LTBP2: variants seen among roughly 807,000 people sequenced by gnomAD.
The protein encoded by LTBP2 is latent transforming growth factor beta binding protein 2, also known as latent-transforming growth factor beta-binding protein 2.
In LTBP2, 103 loss-of-function variants were observed where a neutral mutation model predicts 210.6. That is an observed-to-expected ratio of 0.49 (90% CI 0.42 to 0.58). The LOEUF is 0.58. LTBP2 is among the 20% of genes least tolerant of loss of function. The pLI is 0.00. For synonymous variants in LTBP2, 1,007 were observed against 1,015.0 expected, an observed-to-expected ratio of 0.99 and a Z score of 0.15; for missense variants, 2,313 against 2,494.5, an observed-to-expected ratio of 0.93 and a Z score of 1.55.
In LTBP2 at chr14:74,507,299, A is replaced by G; in HGVS notation, c.3787T>C (p.Cys1263Arg). The change falls in exon 26 of 36, where the codon TGT becomes CGT. Residue 1263 changes from cysteine to arginine, a missense_variant. By Grantham distance (180) the Cys-to-Arg change is radical. This residue lies in a region of LTBP2 where 1,867 missense variants were observed against 1,976.9 expected (regional missense o/e 0.94). Transcript: ENST00000261978. ...CACACCGGGTCTCCATAGTCCTCACACTCGTCAATATCTGTCCCCAGAGCC... is the reference window on the plus strand; with the variant it reads ...CACACCGGGTCTCCATAGTCCTCACGCTCGTCAATATCTGTCCCCAGAGCC... ...ESGECVDIDE[C>R]EDYGDPVCGT... The G allele has an allele frequency of 3.7e-6, 6 of 1,613,860 alleles. No homozygotes were observed. The Admixed American group carries it at 5.0e-5, about 13-fold the overall frequency.
At chr14:74,594,434 C>T (rs1004291211) in intron 2 of LTBP2, among the ~76,000 whole-genome samples, 2 of 152,174 alleles carry the variant, frequency 1.3e-5, no homozygotes, top group African/African-American at 2.4e-5. Context: ...TCCTGAAGCT[C>T]AGCTGCTTCC....
rs1309583469 is a variant in LTBP2 at position 74,528,717 on chromosome 14, G to T, written c.2153-19C>A. 1 of 1,609,190 alleles carries T rather than the reference G, an allele frequency of 6.2e-7. No homozygotes were observed. ...AAGGCCTCTGCAAAGCCAACAGCCA[G>T]AGGACAAACTGAGAGGTGCTGTTCC... On this transcript the variant is annotated intron_variant, in intron 11 of 35. Coordinates refer to ENST00000261978, the MANE Select transcript of LTBP2 (RefSeq NM_000428.3).
intron 3 of LTBP2, among the ~76,000 whole-genome samples, chr14:74,582,019 G>GTTTT (rs1162135097): frequency 7.8e-6 from 1 of 128,506 alleles, no homozygotes. Context: ...TAGGGTTGTT[G>GTTTT]TTTTTTTTTT....
At chr14:74,549,504 G>C (rs1193097835) in intron 8 of LTBP2, among the ~76,000 whole-genome samples, 1 of 152,236 alleles carries the variant, frequency 6.6e-6, no homozygotes, top group Non-Finnish European at 1.5e-5. Flanking sequence ...CCATCAGGGA[G>C]AGAATAAAGA....
intron 3 of LTBP2, 26 bp from the exon 4 acceptor site, chr14:74,555,719 G>T (rs1427366541): frequency 1.4e-6 from 2 of 1,477,824 alleles, no homozygotes; most frequent in Middle Eastern, 2.5e-4. Flanking sequence ...CGGCACGGGG[G>T]TTTGCACCCT....
In LTBP2 at chr14:74,498,370, A is replaced by G. The variant is rs531324462; in HGVS notation, c.*2514T>C. 2.6e-5 allele frequency: 5 copies of G among 194,972 alleles called. No individual in the cohort carries two copies. The highest frequency in any genetic ancestry group is 1.2e-4 in the African/African-American group (5 of 43,332). 12.1% of individuals were successfully genotyped at this position (194,972 alleles called of 1,614,324 possible). ...ATGTAATCCCATAAATTAATGTGAAATATGCACAAGAATATTCATTACAGC... is the reference window on the plus strand; with the variant it reads ...ATGTAATCCCATAAATTAATGTGAAGTATGCACAAGAATATTCATTACAGC... On this transcript the variant is annotated 3_prime_UTR_variant, in exon 36 of 36. Coordinates refer to ENST00000261978, the MANE Select transcript of LTBP2 (RefSeq NM_000428.3).
Position 74,608,250 on chromosome 14 carries a change from A to G in LTBP2, c.494+3201T>C, listed in dbSNP as rs577635806. On this transcript the variant is annotated intron_variant, in intron 1 of 35. Transcript: ENST00000261978. ...TAGACTATGTTATATTATTTTCAAT[A>G]CCTTTTAGTGCATTTATAAAACTTC... Among the ~76,000 whole-genome samples, 7 of 152,318 alleles carry G rather than the reference A, an allele frequency of 4.6e-5. No individual in the cohort carries two copies. In the South Asian group the frequency reaches 1.4e-3, roughly 32 times the overall value.
At chr14:74,518,054 A>C (rs1335939237) in intron 17 of LTBP2, among the ~76,000 whole-genome samples, 1 of 152,224 alleles carries the variant, frequency 6.6e-6, no homozygotes, top group East Asian at 1.9e-4. Context: ...ATGGCCAGCA[A>C]ATCCCTGCCC....
intron 3 of LTBP2, among the ~76,000 whole-genome samples, chr14:74,579,252 G>C (rs575578719): frequency 6.6e-6 from 1 of 152,324 alleles, no homozygotes; most frequent in East Asian, 1.9e-4. Flanking sequence ...TTTGCCCCTA[G>C]GAAGGGATGC....
chr14:74,503,835 T>G, intron 31 of LTBP2, 91 bp downstream of exon 31: 1 of 1,565,702 alleles, frequency 6.4e-7, no homozygotes. Flanking sequence ...AGGGGGACTC[T>G]CAGCAATAAT....
intron 3 of LTBP2, among the ~76,000 whole-genome samples, chr14:74,561,623 A>G (rs2087795521): frequency 6.6e-6 from 1 of 152,136 alleles, no homozygotes; most frequent in African/African-American, 2.4e-5. Context: ...ATATTTTTGA[A>G]ATTTTTACAA....
Position 74,500,698 on chromosome 14 carries a change from A to G in LTBP2, c.*186T>C, listed in dbSNP as rs2086898671. 1 of 733,790 alleles carries G rather than the reference A, an allele frequency of 1.4e-6. No homozygotes were observed. The highest frequency in any genetic ancestry group is 1.7e-5 in the African/African-American group (1 of 57,938). The allele number at this position is 733,790 out of a possible 1,614,324, so 45.5% of individuals were successfully genotyped here. On this transcript the variant is annotated 3_prime_UTR_variant, in exon 36 of 36. Transcript: ENST00000261978. The stretch of plus-strand genomic sequence containing the variant: ...CGATTGGTGGTGCTTGAGCCAAGCA[A>G]GGGCATGGAGGCAATGACCGAAGCT...
chr14:74,510,569 TCC>T (rs2087057705), intron 19 of LTBP2, among the ~76,000 whole-genome samples: 2 of 152,238 alleles, frequency 1.3e-5, no homozygotes, highest in South Asian at 4.1e-4. Context: ...CTACATGACC[TCC>T]TACCGGCCAA....
intron 15 of LTBP2, among the ~76,000 whole-genome samples, chr14:74,523,876 A>G (rs534920895): frequency 3.6e-4 from 55 of 152,134 alleles, no homozygotes; most frequent in African/African-American, 1.2e-3. Flanking sequence ...ACGTGGGTAT[A>G]CAGTGGGGCT....
chr14:74,535,442 G>T (rs927483153), intron 9 of LTBP2, among the ~76,000 whole-genome samples: 1 of 152,162 alleles, frequency 6.6e-6, no homozygotes, highest in Admixed American at 6.5e-5. Context: ...CGTGCTCCCC[G>T]TCCCCTTTCC....
Position 74,506,114 on chromosome 14 carries a change from G to A in LTBP2, c.4111C>T (p.Leu1371Phe), listed in dbSNP as rs1204838584. 6.2e-7 allele frequency: 1 copy of A among 1,614,208 alleles called. No homozygotes were observed. Among genetic ancestry groups the A allele is most frequent in the Non-Finnish European group, 8.5e-7 (1 of 1,180,034 alleles). ...CENVEGSFLCLCASDLEEYDA... is the reference protein window; with the variant it reads ...CENVEGSFLCFCASDLEEYDA... ...TACTCCTCCAGGTCACTGGCACAGAGGCACAGGAAGGAGCCCTCCACGTTC... is the reference window on the plus strand; with the variant it reads ...TACTCCTCCAGGTCACTGGCACAGAAGCACAGGAAGGAGCCCTCCACGTTC... Residue 1371 changes from leucine to phenylalanine, a missense_variant, in exon 28 of 36, where the codon CTC becomes TTC. This residue lies in a region of LTBP2 where 1,867 missense variants were observed against 1,976.9 expected (regional missense o/e 0.94). Transcript: ENST00000261978.
At chr14:74,508,201 G>T in intron 24 of LTBP2, 106 bp from the exon 25 acceptor site, 1 of 1,408,410 alleles carries the variant, frequency 7.1e-7, no homozygotes, top group Non-Finnish European at 9.8e-7. Context: ...GAGTCAGGGA[G>T]TGGCTTATGT....
chr14:74,508,671 G>A lies in LTBP2; in HGVS notation c.3585C>T (p.Ser1195=), dbSNP rs2139694888. 1 of 1,613,580 alleles carries A rather than the reference G, an allele frequency of 6.2e-7. No homozygotes were observed. Among genetic ancestry groups the A allele is most frequent in the Non-Finnish European group, 8.5e-7 (1 of 1,179,998 alleles). The change falls in exon 24 of 36, where the codon AGC becomes AGT. Residue 1195 remains serine, a synonymous_variant. Transcript: ENST00000261978. ...CGCACAGACAGAAGAAAGACCCGTG[G>A]CTGTTGAGGCACTCGCCGTGGGGTG... ...HCAPHGECLN[S]HGSFFCLCAP...
chr14:74,527,430 G>A lies in LTBP2; in HGVS notation c.2369-64C>T, dbSNP rs529808579. The stretch of plus-strand genomic sequence containing the variant: ...GGTCTGGCTGCCTTCTCCCCTCACC[G>A]CCACCTGGGCGGCTTCACAGTCTGC... On this transcript the variant is annotated intron_variant, in intron 12 of 35. Transcript: ENST00000261978. 1.1e-5 allele frequency: 17 copies of A among 1,564,198 alleles called. No individual in the cohort carries two copies. In the African/African-American group the frequency reaches 1.5e-4, roughly 14 times the overall value.
Sources: gnomAD v4.1 joint callset for allele counts (sites outside exome capture counted in the v4.1 genomes callset) on GRCh38, gnomAD v4.1.1 for gene constraint, gnomAD v4.1.1 regional missense constraint, MANE v1.5 for transcripts, NCBI Gene and HGNC (gene_info 2026-07-23, HGNC 2026-07-21) for gene names.